The following OR2L13 variants were observed in gnomAD, a reference collection of about 807,000 sequenced individuals.
OR2L13 encodes the protein olfactory receptor 2L13.
OR2L13 carries 14 observed loss-of-function variants against 15.3 expected under a neutral mutation model. That is an observed-to-expected ratio of 0.91 (90% CI 0.60 to 1.43). OR2L13 has a LOEUF of 1.43. Among genes scored for constraint, OR2L13 ranks in the 40% most tolerant of loss-of-function variants. OR2L13 has a pLI of 0.00. For missense variants in OR2L13, 367 were observed against 387.9 expected (o/e 0.95, Z 0.45); for synonymous variants, 152 against 142.9 (o/e 1.06, Z -0.45).
At chr1:248,071,458 G>A in the OR2L13 span, among the ~76,000 whole-genome samples, 53 of 152,066 alleles carry the variant, frequency 3.5e-4, no homozygotes, top group African/African-American at 1.3e-3. Context: ...AATAAATTAG[G>A]TATTGATGGG....
At chr1:248,077,873 T>C in the OR2L13 span, among the ~76,000 whole-genome samples, 3 of 151,928 alleles carry the variant, frequency 2.0e-5, no homozygotes, top group Admixed American at 2.0e-4. Context: ...AACTCACAAA[T>C]GAAATATATG....
chr1:248,044,023 T>C, the OR2L13 span, among the ~76,000 whole-genome samples: 1 of 152,208 alleles, frequency 6.6e-6, no homozygotes, highest in Non-Finnish European at 1.5e-5. Context: ...TCAATCTGTT[T>C]CCTTAGCCGT....
the OR2L13 span, chr1:247,949,524 G>A: frequency 6.2e-7 from 1 of 1,613,982 alleles, no homozygotes; most frequent in South Asian, 1.1e-5. Flanking sequence ...GGTTCTCTTT[G>A]CTGTCTACCA....
At chr1:248,009,374 A>G in the OR2L13 span, among the ~76,000 whole-genome samples, 2 of 152,196 alleles carry the variant, frequency 1.3e-5, no homozygotes, top group Non-Finnish European at 2.9e-5. Flanking sequence ...ACCGACTATC[A>G]TCAGAGAATA....
At chr1:247,950,562 A>G in the OR2L13 span, among the ~76,000 whole-genome samples, 1 of 152,164 alleles carries the variant, frequency 6.6e-6, no homozygotes, top group Non-Finnish European at 1.5e-5. Context: ...ATCCAGTTTT[A>G]CAAGCACCTT....
At chr1:247,955,269 G>T in the OR2L13 span, among the ~76,000 whole-genome samples, 1 of 152,078 alleles carries the variant, frequency 6.6e-6, no homozygotes, top group African/African-American at 2.4e-5. Flanking sequence ...CCCTACAAAG[G>T]ACATGAACTC....
At chr1:248,055,008 T>C in the OR2L13 span, among the ~76,000 whole-genome samples, 65 of 152,322 alleles carry the variant, frequency 4.3e-4, no homozygotes, top group African/African-American at 1.5e-3. Context: ...TGCATCCTTG[T>C]CTTGTGCTAA....
At chr1:248,033,649 A>G in the OR2L13 span, among the ~76,000 whole-genome samples, 2 of 145,082 alleles carry the variant, frequency 1.4e-5, no homozygotes, top group Admixed American at 6.9e-5. Flanking sequence ...ACCATGTTTT[A>G]CTGGCTGGTC....
the OR2L13 span, among the ~76,000 whole-genome samples, chr1:248,002,883 TC>T: frequency 1.3e-5 from 2 of 151,718 alleles, no homozygotes; most frequent in African/African-American, 2.4e-5. Flanking sequence ...TATGGTGGAT[TC>T]CCCCCTTTTC....
At chr1:248,023,455 T>C in the OR2L13 span, 3 of 152,314 alleles carry the variant, frequency 2.0e-5, no homozygotes, top group African/African-American at 7.2e-5. Context: ...CTATAGAACC[T>C]CTTAGACTAC....
At chr1:248,076,658 T>G in the OR2L13 span, among the ~76,000 whole-genome samples, 1 of 152,186 alleles carries the variant, frequency 6.6e-6, no homozygotes, top group Non-Finnish European at 1.5e-5. Flanking sequence ...GTTAATGATG[T>G]ATAGGAATCC....
the OR2L13 span, among the ~76,000 whole-genome samples, chr1:248,015,443 A>C: frequency 6.6e-6 from 1 of 152,178 alleles, no homozygotes; most frequent in African/African-American, 2.4e-5. Flanking sequence ...TACTATAGAC[A>C]TGCAGATTCA....
At chr1:247,945,620 G>T in the OR2L13 span, among the ~76,000 whole-genome samples, 1 of 152,142 alleles carries the variant, frequency 6.6e-6, no homozygotes, top group African/African-American at 2.4e-5. Flanking sequence ...CTATTATTGT[G>T]TGGGAGTCTA....
chr1:248,060,975 T>G, the OR2L13 span: 2 of 1,614,038 alleles, frequency 1.2e-6, no homozygotes, highest in African/African-American at 1.3e-5. Context: ...GGTGTGGGAT[T>G]CAGAGTTTCT....
the OR2L13 span, among the ~76,000 whole-genome samples, chr1:248,076,025 ATAAGATC>A: frequency 6.6e-6 from 1 of 152,162 alleles, no homozygotes; most frequent in Non-Finnish European, 1.5e-5. Flanking sequence ...TAATTTTTAT[ATAAGATC>A]TAAGGGAGGG....
chr1:248,080,293 A>T, the OR2L13 span, among the ~76,000 whole-genome samples: 2 of 152,142 alleles, frequency 1.3e-5, no homozygotes, highest in Non-Finnish European at 2.9e-5. Flanking sequence ...TATTAGAATT[A>T]TACTTTAAGT....
chr1:248,044,764 C>T, the OR2L13 span, among the ~76,000 whole-genome samples: 1 of 75,844 alleles, frequency 1.3e-5, no homozygotes, highest in Non-Finnish European at 2.1e-5. Context: ...GATTGCGCCA[C>T]TGCAGTCCGC....
the OR2L13 span, among the ~76,000 whole-genome samples, chr1:247,966,902 A>G: frequency 6.6e-6 from 1 of 152,220 alleles, no homozygotes; most frequent in Non-Finnish European, 1.5e-5. Context: ...GAGAAGAGTC[A>G]AAGCTTACAG....
the OR2L13 span, among the ~76,000 whole-genome samples, chr1:248,073,995 TA>T: frequency 1.3e-5 from 2 of 151,956 alleles, no homozygotes; most frequent in South Asian, 2.1e-4. Context: ...ATATCGGACT[TA>T]AAAAAATTAA....
Sources: allele counts gnomAD v4.1 joint callset (sites outside exome capture counted in the v4.1 genomes callset), GRCh38; gene constraint gnomAD v4.1.1; transcripts MANE v1.5; gene names NCBI Gene and HGNC (gene_info 2026-07-23, HGNC 2026-07-21).